The following RTEL1 variants were observed in gnomAD, a reference collection of about 807,000 sequenced individuals.
RTEL1 encodes regulator of telomere length.
In RTEL1, 86 loss-of-function variants were observed where a neutral mutation model predicts 162.2. That is an observed-to-expected ratio of 0.53 (90% CI 0.45 to 0.63). RTEL1 has a LOEUF of 0.63. Among genes scored for constraint, RTEL1 ranks in the 30% least tolerant of loss-of-function variants. RTEL1 has a pLI of 0.00. For missense variants in RTEL1, 1,941 were observed against 1,750.2 expected, an observed-to-expected ratio of 1.11 and a Z score of -1.95; for synonymous variants, 958 against 717.9, an observed-to-expected ratio of 1.33 and a Z score of -5.35.
At chr20:63,658,078 G>A (rs1458503159), upstream of RTEL1, 1 of 152,388 alleles carries the variant, frequency 6.6e-6, no homozygotes. Flanking sequence ...TCGGCCTAGA[G>A]AGGCGGTAGT....
chr20:63,681,940 G>C, intron 14 of RTEL1: 3 of 985,418 alleles, frequency 3.0e-6, no homozygotes, highest in Non-Finnish European at 2.4e-6. Context: ...CGCATGGAGT[G>C]TGGTTGGCTC....
At chr20:63,662,017 C>A in intron 4 of RTEL1, 74 bp downstream of exon 4, 1 of 1,122,820 alleles carries the variant, frequency 8.9e-7, no homozygotes, top group Non-Finnish European at 1.4e-6. Context: ...AGTCCACAGC[C>A]CCATGCTGTG....
rs574134304 is a variant in RTEL1 at position 63,693,227 on chromosome 20, G to C, written c.2936G>C (p.Arg979Pro). The stretch of plus-strand genomic sequence containing the variant: ...CTGACAGGACGAGGCTGTGGCTATC[G>C]GCCTGAGCACAGCATTCCCCGAAGG... ...IQLTGRGCGY[R>P]PEHSIPRRQR... The change falls in exon 30 of 35, where the codon CGG (arginine) becomes CCG (proline). Residue 979 changes from arginine to proline, a missense_variant. Arg to Pro is a moderately radical substitution (Grantham distance 103, BLOSUM62 -2). Transcript: ENST00000360203. The C allele has an allele frequency of 1.9e-6, 3 of 1,612,078 alleles. No individual in the cohort carries two copies. Among genetic ancestry groups the C allele is most frequent in the Non-Finnish European group, 2.5e-6 (3 of 1,179,500 alleles).
rs1297302041 is a variant in RTEL1 at position 63,681,530 on chromosome 20, T to C, written c.1191+811T>C. The C allele has an allele frequency of 3.1e-6, 3 of 982,934 alleles. No homozygotes were observed. In the African/African-American group the frequency reaches 5.3e-5, roughly 17 times the overall value. The allele number at this position is 982,934 out of a possible 1,614,324, so 60.9% of individuals were successfully genotyped here. A position where few individuals can be genotyped will look rare whatever the true frequency, so the allele number is the denominator to read the frequency against. ...CCCAGCGCTATGACAGCTTCATGAGTGTCCATCTGGCCTGTGGGGTGCTTG... is the reference window on the plus strand; with the variant it reads ...CCCAGCGCTATGACAGCTTCATGAGCGTCCATCTGGCCTGTGGGGTGCTTG... On this transcript the variant is annotated intron_variant, in intron 14 of 34. Coordinates refer to ENST00000360203, the MANE Select transcript of RTEL1 (RefSeq NM_001283009.2).
At chr20:63,662,991 C>T (rs1483491586) in intron 6 of RTEL1, 102 bp downstream of exon 6, 4 of 1,094,904 alleles carry the variant, frequency 3.7e-6, no homozygotes, top group South Asian at 2.5e-5. Context: ...CCCGGTGGGG[C>T]GGCCAGTGCG....
In RTEL1 at chr20:63,688,256, G is replaced by A. The variant is rs758817834; in HGVS notation, c.1637-45G>A. 4.4e-6 allele frequency: 7 copies of A among 1,609,190 alleles called. No homozygotes were observed. The African/African-American group carries it at 9.3e-5, about 21-fold the overall frequency. On this transcript the variant is annotated intron_variant, in intron 19 of 34. Coordinates refer to ENST00000360203, the MANE Select transcript of RTEL1 (RefSeq NM_001283009.2). ...CTCCCAAGAGCTGGTAGGGAACCCT[G>A]CAGACATCCTGCCCCTGCCTTGACC...
chr20:63,689,366 G>T (rs1307618179), intron 22 of RTEL1, 136 bp from the exon 23 acceptor site: 13 of 1,081,430 alleles, frequency 1.2e-5, no homozygotes, highest in Non-Finnish European at 1.7e-5. Context: ...ACCCCAAGTG[G>T]GGTCCTGACC....
In RTEL1 at chr20:63,662,823, C is replaced by T. The variant is rs1601087767; in HGVS notation, c.478-6C>T. 1 of 1,613,844 alleles carries T rather than the reference C, an allele frequency of 6.2e-7. No individual in the cohort carries two copies. On this transcript the variant is annotated splice_region_variant and splice_polypyrimidine_tract_variant and intron_variant, in intron 5 of 34. Transcript: ENST00000360203. ...TCAGCTGCGCACTCTGCCCTTCCTC[C>T]CACAGATCCACTTGTGCCGTAAGAA...
chr20:63,662,778 G>C (rs764519213), intron 5 of RTEL1, 51 bp from the exon 6 acceptor site: 1 of 1,608,150 alleles, frequency 6.2e-7, no homozygotes, highest in South Asian at 1.1e-5. Context: ...GACTGGCTTC[G>C]GTCCTTTCTT....
intron 30 of RTEL1, 151 bp from the exon 31 acceptor site, chr20:63,694,221 C>T (rs2090905781): frequency 3.0e-6 from 2 of 674,272 alleles, no homozygotes; most frequent in South Asian, 1.7e-5. Context: ...TCCTCTGATG[C>T]CCCCAGCACC....
At position 63,680,985 on chromosome 20, in the gene RTEL1, G is replaced by T. The variant is rs142614912; in HGVS notation, c.1191+266G>T. 6.6e-3 allele frequency: 6,510 copies of T among 985,398 alleles called. 92 individuals carry two copies. The highest frequency in any genetic ancestry group is 6.1e-3 in the Non-Finnish European group (5,101 of 829,908). 61.0% of individuals were successfully genotyped at this position (985,398 alleles called of 1,614,324 possible). Reference sequence around the variant, plus strand: ...GACGCAAAGGACAGTGGGGGCCGGGGAGCCGCTCCTGCCCTGTCCGGGCCC... The same window carrying T: ...GACGCAAAGGACAGTGGGGGCCGGGTAGCCGCTCCTGCCCTGTCCGGGCCC... On this transcript the variant is annotated intron_variant, in intron 14 of 34. Coordinates refer to ENST00000360203, the MANE Select transcript of RTEL1 (RefSeq NM_001283009.2).
At chr20:63,685,703 G>A in intron 15 of RTEL1, 88 bp from the exon 16 acceptor site, 1 of 1,582,956 alleles carries the variant, frequency 6.3e-7, no homozygotes, top group Non-Finnish European at 8.6e-7. Context: ...GAGGCAGGTG[G>A]GGCTGGGGGT....
chr20:63,694,230 C>G, intron 30 of RTEL1, 142 bp from the exon 31 acceptor site: 1 of 715,322 alleles, frequency 1.4e-6, no homozygotes. Context: ...GCCCCCAGCA[C>G]CCAGGCGTGT....
intron 14 of RTEL1, among the ~76,000 whole-genome samples, chr20:63,684,066 A>T (rs2090538123): frequency 6.6e-6 from 1 of 151,726 alleles, no homozygotes; most frequent in African/African-American, 2.4e-5. Context: ...TTTTGTTCTG[A>T]GCTTGTGCCT....
intron 6 of RTEL1, among the ~76,000 whole-genome samples, chr20:63,663,444 GAGAC>G (rs2090060738): frequency 1.3e-5 from 2 of 152,224 alleles, no homozygotes; most frequent in Non-Finnish European, 1.5e-5. Context: ...GCCTCTTCTG[GAGAC>G]GGGATGTGAG....
rs1353992205 is a variant in RTEL1, at chr20:63,670,795, C to T, written c.700-1761C>T. On this transcript the variant is annotated intron_variant, in intron 8 of 34. Transcript: ENST00000360203. ...CCCAGGAGTTTGAGACCAGCCTAGG[C>T]AACATAGGGAGACCCCATCTCAAAA... Among the ~76,000 whole-genome samples, 4 of 137,514 alleles carry T rather than the reference C, an allele frequency of 2.9e-5. No individual in the cohort carries two copies. The Admixed American group carries it at 3.1e-4, about 11-fold the overall frequency. The allele number at this position is 137,514 out of a possible 152,430, so 90.2% of individuals were successfully genotyped here.
rs1229098524 is a variant in RTEL1, at chr20:63,694,923, G to T, written c.3292G>T (p.Val1098Leu). 2 of 1,612,524 alleles carry T rather than the reference G, an allele frequency of 1.2e-6. No individual in the cohort carries two copies. The highest frequency in any genetic ancestry group is 1.7e-6 in the Non-Finnish European group (2 of 1,179,886). The change falls in exon 32 of 35, where the codon GTG becomes TTG. Residue 1098 changes from valine to leucine, a missense_variant. Physicochemically the swap from Val to Leu is conservative, Grantham distance 32. Transcript: ENST00000360203. ...CGACGACCTCGACAAGGTGCTGGCTGTGTTGGCCGCCCTGACCACTGCAAA... is the reference window on the plus strand; with the variant it reads ...CGACGACCTCGACAAGGTGCTGGCTTTGTTGGCCGCCCTGACCACTGCAAA... ...QDDDLDKVLA[V>L]LAALTTAKPE...
At position 63,694,896 on chromosome 20, in the gene RTEL1, G is replaced by A. The variant is rs2090932400; in HGVS notation, c.3265G>A (p.Asp1089Asn). ...LLAALTAYKQ[D>N]DDLDKVLAVL... The stretch of plus-strand genomic sequence containing the variant: ...GGCAGCGCTGACAGCCTATAAGCAA[G>A]ACGACGACCTCGACAAGGTGCTGGC... Residue 1089 changes from aspartate to asparagine, a missense_variant, in exon 32 of 35, where the codon GAC (aspartate) becomes AAC (asparagine). Transcript: ENST00000360203. 6.2e-7 allele frequency: 1 copy of A among 1,612,660 alleles called. No homozygotes were observed. Among genetic ancestry groups the A allele is most frequent in the Non-Finnish European group, 8.5e-7 (1 of 1,179,872 alleles).
At chr20:63,693,358 G>A in intron 30 of RTEL1, 75 bp downstream of exon 30, 2 of 1,575,310 alleles carry the variant, frequency 1.3e-6, no homozygotes, top group South Asian at 1.1e-5. Context: ...GGGCTGCTTG[G>A]GGTGGGCATC....
Sources: allele counts gnomAD v4.1 joint callset (sites outside exome capture counted in the v4.1 genomes callset), GRCh38; gene constraint gnomAD v4.1.1; transcripts MANE v1.5; gene names NCBI Gene and HGNC (gene_info 2026-07-23, HGNC 2026-07-21).